The following PRKCH variants were observed in gnomAD, a reference collection of about 807,000 sequenced individuals.
The protein encoded by PRKCH is protein kinase C eta type.
A neutral mutation model predicts 82.5 loss-of-function variants in PRKCH; 28 were observed. The observed-to-expected ratio is 0.34, with a 90% CI of 0.25 to 0.47. The LOEUF is 0.47. PRKCH is among the 20% of genes least tolerant of loss of function. PRKCH has a pLI of 1.00. For synonymous variants in PRKCH, 322 were observed against 327.4 expected, an observed-to-expected ratio of 0.98 and a Z score of 0.18; for missense variants, 705 against 881.8, an observed-to-expected ratio of 0.80 and a Z score of 2.54.
intron 1 of PRKCH, among the ~76,000 whole-genome samples, chr14:61,214,368 A>T: frequency 6.6e-6 from 1 of 152,118 alleles, no homozygotes; most frequent in East Asian, 1.9e-4. Flanking sequence ...GGATCATATG[A>T]TCATCACGGT....
chr14:61,323,028 A>G (rs938784065), intron 1 of PRKCH, among the ~76,000 whole-genome samples: 2 of 152,034 alleles, frequency 1.3e-5, no homozygotes, highest in Non-Finnish European at 2.9e-5. Context: ...TGGCAGTTTT[A>G]TTATTTAGCA....
At chr14:61,400,842 C>G (rs573789175) in intron 2 of PRKCH, among the ~76,000 whole-genome samples, 1 of 152,276 alleles carries the variant, frequency 6.6e-6, no homozygotes, top group South Asian at 2.1e-4. Flanking sequence ...GAACCAGACT[C>G]AGAGACGCTA....
In PRKCH at chr14:61,281,473, G is replaced by T. The variant is rs188324807; in HGVS notation, c.-19+93805G>T. 666 of 209,818 alleles carry T rather than the reference G, an allele frequency of 3.2e-3. 5 individuals are homozygous for T. Among genetic ancestry groups the T allele is most frequent in the Admixed American group, 6.3e-3 (103 of 16,448 alleles). 13.0% of individuals were successfully genotyped at this position (209,818 alleles called of 1,614,324 possible). ...CCTCACCTGGTAGACTCAGTCTCGC[G>T]TTTCCTCTCAGTCCAGGTCATCGGA... On this transcript the variant is annotated intron_variant, in intron 1 of 3. Coordinates refer to the PRKCH transcript ENST00000555185.
intron 1 of PRKCH, among the ~76,000 whole-genome samples, chr14:61,341,894 C>T (rs2045933714): frequency 6.6e-6 from 1 of 152,158 alleles, no homozygotes; most frequent in Admixed American, 6.5e-5. Context: ...TTCATGAGTT[C>T]AGAGGCTTTG....
intron 1 of PRKCH, among the ~76,000 whole-genome samples, chr14:61,259,376 T>G (rs1354721294): frequency 6.6e-6 from 1 of 152,196 alleles, no homozygotes; most frequent in Non-Finnish European, 1.5e-5. Flanking sequence ...TGGAAGATCT[T>G]CATTCACACT....
intron 2 of PRKCH, among the ~76,000 whole-genome samples, 181 bp from the exon 3 acceptor site, chr14:61,442,930 C>A (rs1884045292): frequency 6.6e-6 from 1 of 151,970 alleles, no homozygotes; most frequent in South Asian, 2.1e-4. Context: ...AGAGTGAGGT[C>A]CTGTCTCAAA....
At chr14:61,376,970 A>G (rs896280716) in intron 1 of PRKCH, among the ~76,000 whole-genome samples, 1 of 152,144 alleles carries the variant, frequency 6.6e-6, no homozygotes, top group Non-Finnish European at 1.5e-5. Flanking sequence ...GTGTAATGAA[A>G]TTTGCAGGTG....
At position 61,280,361 on chromosome 14, in the gene PRKCH, G is replaced by T. The variant is rs1385448945; in HGVS notation, c.-19+92693G>T. 2.5e-6 allele frequency: 4 copies of T among 1,613,982 alleles called. No individual in the cohort carries two copies. The highest frequency in any genetic ancestry group is 1.1e-5 in the South Asian group (1 of 91,086). Reference sequence around the variant, plus strand: ...TGGCGGATGCGCGCGTACAGTTTGCGGAACGTGGGCAGCGCCGCCGTGCGC... The same window carrying T: ...TGGCGGATGCGCGCGTACAGTTTGCTGAACGTGGGCAGCGCCGCCGTGCGC... On this transcript the variant is annotated intron_variant, in intron 1 of 3. Coordinates refer to the PRKCH transcript ENST00000555185. This position sits in a 1 kb window ranked among gnomAD's most constrained non-coding sequence, Gnocchi z 5.0.
rs1337448368 is a variant in PRKCH at position 61,547,726 on chromosome 14, C to T, written c.1762-17C>T. On this transcript the variant is annotated splice_polypyrimidine_tract_variant and intron_variant, in intron 12 of 13. Transcript: ENST00000332981. ...TATGTGAATGAATGATTGACACTTT[C>T]TCTCTCTCTCACTCAGTTCATGACC... The T allele has an allele frequency of 6.3e-7, 1 of 1,596,520 alleles. No homozygotes were observed. Among genetic ancestry groups the T allele is most frequent in the East Asian group, 2.3e-5 (1 of 44,308 alleles).
chr14:61,370,411 T>C (rs990619604), intron 1 of PRKCH, among the ~76,000 whole-genome samples: 1 of 152,102 alleles, frequency 6.6e-6, no homozygotes, highest in South Asian at 2.1e-4. Flanking sequence ...GCGATGCCAG[T>C]TTGCTAGGCC....
chr14:61,273,396 T>C (rs2045174985), intron 1 of PRKCH, among the ~76,000 whole-genome samples: 1 of 152,212 alleles, frequency 6.6e-6, no homozygotes, highest in Non-Finnish European at 1.5e-5. Flanking sequence ...TACTTCTGTT[T>C]AAATGGATTC....
intron 6 of PRKCH, among the ~76,000 whole-genome samples, 166 bp from the exon 7 acceptor site, chr14:61,453,060 T>G (rs1241219372): frequency 6.6e-6 from 1 of 152,246 alleles, no homozygotes; most frequent in Non-Finnish European, 1.5e-5. Context: ...ATAGATAAAA[T>G]GTCAGGAACT....
At chr14:61,493,918 A>C (rs1394462984) in intron 10 of PRKCH, among the ~76,000 whole-genome samples, 1 of 151,950 alleles carries the variant, frequency 6.6e-6, no homozygotes, top group Non-Finnish European at 1.5e-5. Context: ...ATTTGGGTGG[A>C]TTCAGGGTAA....
chr14:61,516,707 G>A (rs925552992), intron 10 of PRKCH, among the ~76,000 whole-genome samples: 1 of 152,130 alleles, frequency 6.6e-6, no homozygotes, highest in Non-Finnish European at 1.5e-5. Flanking sequence ...TATGATGTGA[G>A]TCCAGTATTG....
rs917306965 is a variant in PRKCH, at chr14:61,229,027, G to A, written c.-19+41359G>A. Among the ~76,000 whole-genome samples, 14 of 152,122 alleles carry A rather than the reference G, an allele frequency of 9.2e-5. No individual in the cohort carries two copies. In the East Asian group the frequency reaches 2.7e-3, roughly 29 times the overall value. The stretch of plus-strand genomic sequence containing the variant: ...TATGTAACAACAAGCCATCAAAATA[G>A]GCATATCCTCAACCCAGAAATTCCA... On this transcript the variant is annotated intron_variant, in intron 1 of 3. Transcript: ENST00000555185.
At chr14:61,370,524 T>C (rs1372323658) in intron 1 of PRKCH, among the ~76,000 whole-genome samples, 2 of 152,084 alleles carry the variant, frequency 1.3e-5, no homozygotes, top group African/African-American at 4.8e-5. Flanking sequence ...GCCCAATCTG[T>C]ATTAAACCTG....
chr14:61,400,630 A>G (rs974223809), intron 2 of PRKCH, among the ~76,000 whole-genome samples: 2 of 152,200 alleles, frequency 1.3e-5, no homozygotes, highest in Non-Finnish European at 2.9e-5. Context: ...CATTTGTTGA[A>G]TGCCTTCTGA....
chr14:61,250,123 G>A (rs1212146578), intron 1 of PRKCH, among the ~76,000 whole-genome samples: 1 of 150,774 alleles, frequency 6.6e-6, no homozygotes, highest in Non-Finnish European at 1.5e-5. Context: ...AGGCAGGCAC[G>A]GTCGTGGGCG....
chr14:61,216,800 A>G (rs796802374), intron 1 of PRKCH, among the ~76,000 whole-genome samples: 1 of 152,124 alleles, frequency 6.6e-6, no homozygotes, highest in South Asian at 2.1e-4. Context: ...TACAAAAGTA[A>G]GGTAATTTTT....
Sources: allele counts gnomAD v4.1 joint callset (sites outside exome capture counted in the v4.1 genomes callset), GRCh38; gene constraint gnomAD v4.1.1; non-coding constraint Gnocchi (gnomAD v3.1); transcripts MANE v1.5; gene names NCBI Gene and HGNC (gene_info 2026-07-23, HGNC 2026-07-21).